The following GMDS variants were observed in gnomAD, a reference collection of about 807,000 sequenced individuals.
GMDS encodes the protein GDP-mannose 4,6 dehydratase.
In GMDS, 20 loss-of-function variants were observed where a neutral mutation model predicts 49.9. The ratio of observed to expected loss-of-function variants is 0.40; its 90% confidence interval spans 0.28 to 0.58. The LOEUF (loss-of-function observed/expected upper bound fraction) is 0.58, where lower values mean the gene tolerates loss of function less well. GMDS is among the 20% of genes least tolerant of loss of function. GMDS has a pLI of 0.42. For missense variants in GMDS, 362 were observed against 481.4 expected (o/e 0.75, Z 2.32); for synonymous variants, 177 against 178.6 (o/e 0.99, Z 0.07).
chr6:2,027,308 A>C (rs895668472), intron 4 of GMDS, among the ~76,000 whole-genome samples: 2 of 152,202 alleles, frequency 1.3e-5, no homozygotes, highest in Non-Finnish European at 2.9e-5. Context: ...GTAATGGGAG[A>C]AAAAAGGCAG....
chr6:1,932,746 G>C (rs1158455450), intron 6 of GMDS, among the ~76,000 whole-genome samples: 1 of 152,004 alleles, frequency 6.6e-6, no homozygotes, highest in East Asian at 1.9e-4. Context: ...CACCGTGTTA[G>C]TCAGGATGGT....
At chr6:1,663,440 C>A (rs992745450) in intron 9 of GMDS, among the ~76,000 whole-genome samples, 1 of 152,214 alleles carries the variant, frequency 6.6e-6, no homozygotes, top group Admixed American at 6.5e-5. Flanking sequence ...TAGCTATCAT[C>A]TCTCCTAGAA....
chr6:1,648,413 G>A (rs1393901723), intron 9 of GMDS, among the ~76,000 whole-genome samples: 1 of 152,298 alleles, frequency 6.6e-6, no homozygotes, highest in African/African-American at 2.4e-5. Context: ...CCTATGATCT[G>A]TACTCAGTAA....
intron 4 of GMDS, among the ~76,000 whole-genome samples, chr6:2,029,595 C>G (rs944698679): frequency 3.9e-5 from 6 of 152,262 alleles, no homozygotes; most frequent in Admixed American, 3.3e-4. Flanking sequence ...AAGTGGCAAA[C>G]TTAAAAAGGC....
In GMDS at chr6:2,129,962, T is replaced by TG. The variant is rs1214138292; in HGVS notation, c.103-5232dup. Among the ~76,000 whole-genome samples, 9 of 152,256 alleles carry TG rather than the reference T, an allele frequency of 5.9e-5. 1 individual carries two copies. The Middle Eastern group carries it at 0.02, about 345-fold the overall frequency. ...CCCTCTCATTTTACAGATCAGGAAA[T>TG]GGAGATTCAAAGCAGGTAAATGTTT... On this transcript the variant is annotated intron_variant, in intron 1 of 10. Transcript: ENST00000380815.
At chr6:1,786,007 A>T (rs1285094349) in intron 7 of GMDS, among the ~76,000 whole-genome samples, 1 of 152,214 alleles carries the variant, frequency 6.6e-6, no homozygotes, top group Non-Finnish European at 1.5e-5. Context: ...AAGGAGTGAG[A>T]TGTTAAATAT....
intron 8 of GMDS, among the ~76,000 whole-genome samples, chr6:1,737,083 AACAGCTTGTT>A (rs1279110557): frequency 7.2e-5 from 11 of 152,200 alleles, no homozygotes; most frequent in Non-Finnish European, 5.9e-5. Flanking sequence ...ATGAGCACAA[AACAGCTTGTT>A]ACCTCTGCCA....
At chr6:1,813,025 T>G (rs1353603734) in intron 7 of GMDS, among the ~76,000 whole-genome samples, 1 of 152,018 alleles carries the variant, frequency 6.6e-6, no homozygotes, top group Non-Finnish European at 1.5e-5. Context: ...CGAGACCAGC[T>G]GGGCTAACAC....
At chr6:2,128,957 C>T (rs1279149935) in intron 1 of GMDS, among the ~76,000 whole-genome samples, 1 of 152,120 alleles carries the variant, frequency 6.6e-6, no homozygotes, top group African/African-American at 2.4e-5. Context: ...GGTTGTAGGT[C>T]CAGCTTTGGG....
intron 7 of GMDS, among the ~76,000 whole-genome samples, chr6:1,907,422 T>A (rs1046452215): frequency 1.3e-5 from 2 of 152,196 alleles, no homozygotes; most frequent in African/African-American, 4.8e-5. Flanking sequence ...AAAGCAACTT[T>A]CTAAAAATAT....
At chr6:1,840,061 CA>C (rs1757091106) in intron 7 of GMDS, among the ~76,000 whole-genome samples, 1 of 152,342 alleles carries the variant, frequency 6.6e-6, no homozygotes, top group East Asian at 1.9e-4. Context: ...GCGAGGACTG[CA>C]TTTTTTCTGC....
chr6:2,195,028 A>T (rs1269107230), intron 1 of GMDS, among the ~76,000 whole-genome samples: 2 of 152,258 alleles, frequency 1.3e-5, no homozygotes, highest in African/African-American at 4.8e-5. Flanking sequence ...TTTAAATAAT[A>T]TCAATAAAAA....
At chr6:2,209,249 G>A (rs1179455316) in intron 1 of GMDS, among the ~76,000 whole-genome samples, 1 of 152,204 alleles carries the variant, frequency 6.6e-6, no homozygotes, top group Non-Finnish European at 1.5e-5. Context: ...TAAGAGCACT[G>A]GTTGCCCCAC....
At chr6:2,009,250 G>T (rs1348667755) in intron 4 of GMDS, among the ~76,000 whole-genome samples, 2 of 152,170 alleles carry the variant, frequency 1.3e-5, no homozygotes, top group African/African-American at 2.4e-5. Context: ...GTTAAACCAT[G>T]AAGAAGTAGT....
chr6:1,707,020 C>T (rs9503012), intron 9 of GMDS, among the ~76,000 whole-genome samples: 96,830 of 152,098 alleles, frequency 0.64, 33,083 homozygotes, highest in East Asian at 0.9. Flanking sequence ...TATAGCCTTC[C>T]GAAGTCTCTT....
chr6:1,882,128 G>GA (rs1759392943), intron 7 of GMDS, among the ~76,000 whole-genome samples: 6 of 152,150 alleles, frequency 3.9e-5, no homozygotes, highest in Admixed American at 3.3e-4. Flanking sequence ...AAAAAACATG[G>GA]TGTGGTATTT....
chr6:1,951,044 T>G (rs1197670769), intron 6 of GMDS, among the ~76,000 whole-genome samples: 1 of 152,070 alleles, frequency 6.6e-6, no homozygotes, highest in Non-Finnish European at 1.5e-5. Context: ...AGACGTCCTC[T>G]GGAGGAAAGA....
At chr6:2,162,704 ACACAC>A (rs1422200647) in intron 1 of GMDS, among the ~76,000 whole-genome samples, 3 of 142,468 alleles carry the variant, frequency 2.1e-5, no homozygotes, top group Admixed American at 2.1e-4. Flanking sequence ...ACACACACAC[ACACAC>A]AAAACTTTCC....
chr6:2,241,957 A>C (rs965175587), intron 1 of GMDS, among the ~76,000 whole-genome samples: 1 of 152,224 alleles, frequency 6.6e-6, no homozygotes, highest in Non-Finnish European at 1.5e-5. Flanking sequence ...GGAAAAAGTA[A>C]GTCAACAGTT....
Sources: gnomAD v4.1 joint callset for allele counts (sites outside exome capture counted in the v4.1 genomes callset) on GRCh38, gnomAD v4.1.1 for gene constraint, MANE v1.5 for transcripts, NCBI Gene and HGNC (gene_info 2026-07-23, HGNC 2026-07-21) for gene names.